Variants in SUDS3 observed in about 807,000 individuals in gnomAD.
The protein encoded by SUDS3 is sin3 histone deacetylase corepressor complex component SDS3.
Under a neutral mutation model 53.5 loss-of-function variants are expected in SUDS3, and 23 were observed. That is an observed-to-expected ratio of 0.43 (90% CI 0.31 to 0.61). SUDS3 has a LOEUF of 0.61. Among genes scored for constraint, SUDS3 ranks in the 20% least tolerant of loss-of-function variants. The pLI, the probability that SUDS3 is intolerant of heterozygous loss-of-function variation, is 0.10. For synonymous variants in SUDS3, 150 were observed against 148.5 expected, an observed-to-expected ratio of 1.01 and a Z score of -0.08; for missense variants, 291 against 405.9, an observed-to-expected ratio of 0.72 and a Z score of 2.43.
rs768874158 is a variant in SUDS3 at position 118,380,247 on chromosome 12, C to G, written c.212+16C>G. 80 of 1,591,400 alleles carry G rather than the reference C, an allele frequency of 5.0e-5. No homozygotes were observed. In the Admixed American group the frequency reaches 1.4e-3, roughly 27 times the overall value. On this transcript the variant is annotated intron_variant, in intron 2 of 11. Transcript: ENST00000543473. ...TGAAGGAACAGTGAGTATGATATGC[C>G]TATGTCTTTTTGGAACATAGAATTG...
Position 118,379,775 on chromosome 12 carries a change from G to A in SUDS3, c.143-387G>A, listed in dbSNP as rs1018360558. Among the ~76,000 whole-genome samples, 4 of 152,188 alleles carry A rather than the reference G, an allele frequency of 2.6e-5. No homozygotes were observed. In the South Asian group the frequency reaches 8.3e-4, roughly 31 times the overall value. Reference sequence around the variant, plus strand: ...AGCAGCCTTCACCATAACTGCCTGTGCCTGAGACACCCTATTCTGTGGCTG... The same window carrying A: ...AGCAGCCTTCACCATAACTGCCTGTACCTGAGACACCCTATTCTGTGGCTG... On this transcript the variant is annotated intron_variant, in intron 1 of 11. Transcript: ENST00000543473.
intron 1 of SUDS3, among the ~76,000 whole-genome samples, chr12:118,378,894 C>T (rs1261553293): frequency 2.6e-5 from 4 of 151,878 alleles, no homozygotes; most frequent in African/African-American, 9.7e-5. Flanking sequence ...AGGCTGGTCT[C>T]GAACTCCCGA....
At chr12:118,378,815 A>G (rs917597503) in intron 1 of SUDS3, among the ~76,000 whole-genome samples, 1 of 152,128 alleles carries the variant, frequency 6.6e-6, no homozygotes, top group African/African-American at 2.4e-5. Context: ...AGCTGGGATT[A>G]CAGGCATGTG....
chr12:118,386,609 G>T (rs975049959), intron 4 of SUDS3, among the ~76,000 whole-genome samples: 1 of 151,928 alleles, frequency 6.6e-6, no homozygotes, highest in Non-Finnish European at 1.5e-5. Context: ...TTTTCCCCAA[G>T]TATTGTTTTT....
At chr12:118,410,690 G>A (rs1177033667) in intron 10 of SUDS3, among the ~76,000 whole-genome samples, 7 of 151,838 alleles carry the variant, frequency 4.6e-5, no homozygotes, top group African/African-American at 1.5e-4. Flanking sequence ...TCCGCCTCCC[G>A]GGTTCACACC....
rs2046265275 is a variant in SUDS3, at chr12:118,401,828, T to G, written c.675+8T>G. On this transcript the variant is annotated splice_region_variant and intron_variant, in intron 8 of 11. Coordinates refer to ENST00000543473, the MANE Select transcript of SUDS3 (RefSeq NM_022491.3). ...CTGAGAACATTAAATAAGGTACGGT[T>G]TGACTTTTTTGATTTATTTGAAAAC... 2 of 1,613,336 alleles carry G rather than the reference T, an allele frequency of 1.2e-6. No individual in the cohort carries two copies. The highest frequency in any genetic ancestry group is 1.7e-6 in the Non-Finnish European group (2 of 1,179,370).
rs767815527 is a variant in SUDS3, at chr12:118,403,472, T to C, written c.758T>C (p.Phe253Ser). 6.2e-7 allele frequency: 1 copy of C among 1,613,736 alleles called. No homozygotes were observed. Among genetic ancestry groups the C allele is most frequent in the South Asian group, 1.1e-5 (1 of 90,940 alleles). Residue 253 changes from phenylalanine (F) to serine (S), a missense_variant, in exon 10 of 12, where the codon TTC (phenylalanine) becomes TCC (serine). By Grantham distance (155) the Phe-to-Ser change is radical (BLOSUM62 -2). Coordinates refer to ENST00000543473, the MANE Select transcript of SUDS3 (RefSeq NM_022491.3). The part of the protein sequence containing the change: ...ATPAESPAQR[F>S]EARIEDGKLY... ...CCCGCGGAATCTCCAGCCCAGAGGTTCGAAGCTCGGATAGAAGATGGCAAA... is the reference window on the plus strand; with the variant it reads ...CCCGCGGAATCTCCAGCCCAGAGGTCCGAAGCTCGGATAGAAGATGGCAAA...
At chr12:118,381,626 A>T (rs188552657) in intron 2 of SUDS3, among the ~76,000 whole-genome samples, 65 of 152,148 alleles carry the variant, frequency 4.3e-4, no homozygotes, top group African/African-American at 1.5e-3. Context: ...ACCTCAGGTG[A>T]TCCACCTGCT....
At chr12:118,388,367 C>T (rs1429838621) in intron 4 of SUDS3, among the ~76,000 whole-genome samples, 1 of 152,160 alleles carries the variant, frequency 6.6e-6, no homozygotes. Flanking sequence ...GCCAGGTTTG[C>T]AAAGGGGCCC....
At chr12:118,409,801 A>C (rs1593784353) in intron 10 of SUDS3, among the ~76,000 whole-genome samples, 2 of 152,346 alleles carry the variant, frequency 1.3e-5, no homozygotes, top group South Asian at 2.1e-4. Context: ...TGATACTTCC[A>C]ACTCTTGTAA....
At chr12:118,388,870 C>T (rs144007576) in intron 4 of SUDS3, among the ~76,000 whole-genome samples, 133 of 152,248 alleles carry the variant, frequency 8.7e-4, no homozygotes, top group African/African-American at 3.0e-3. Context: ...AGGTCCTGGC[C>T]GTAGGCAGTG....
intron 8 of SUDS3, 67 bp downstream of exon 8, chr12:118,401,887 A>C: frequency 1.9e-6 from 3 of 1,600,932 alleles, no homozygotes; most frequent in Non-Finnish European, 2.6e-6. Context: ...TTTGTTTGTT[A>C]ACATGTTACT....
intron 6 of SUDS3, among the ~76,000 whole-genome samples, chr12:118,392,774 ATAT>A (rs1418079553): frequency 2.0e-5 from 3 of 152,278 alleles, no homozygotes; most frequent in South Asian, 2.1e-4. Context: ...CTAGTGGGAA[ATAT>A]TATCCGTTTA....
intron 10 of SUDS3, among the ~76,000 whole-genome samples, chr12:118,408,479 G>A (rs899139536): frequency 6.6e-6 from 1 of 151,794 alleles, no homozygotes; most frequent in Non-Finnish European, 1.5e-5. Flanking sequence ...GATTACAAGC[G>A]CACACCACCA....
Position 118,416,999 on chromosome 12 carries a change from A to G in SUDS3, c.*2566A>G, listed in dbSNP as rs2279833. 0.27 allele frequency: 40,728 copies of G among 152,092 alleles called. 5,629 individuals are homozygous for G. The highest frequency in any genetic ancestry group is 0.39 in the Middle Eastern group (115 of 296). 9.4% of individuals were successfully genotyped at this position (152,092 alleles called of 1,614,324 possible). On this transcript the variant is annotated 3_prime_UTR_variant, in exon 12 of 12. Coordinates refer to ENST00000543473, the MANE Select transcript of SUDS3 (RefSeq NM_022491.3). ...AGAGGCATCTGCCTCAAGTCTATGT[A>G]CAGTGTTTGCTGCGGGTGTGTTCCA...
intron 4 of SUDS3, among the ~76,000 whole-genome samples, chr12:118,387,134 G>A (rs1446073702): frequency 1.3e-5 from 2 of 152,234 alleles, no homozygotes; most frequent in African/African-American, 4.8e-5. Context: ...GGGTTGAAGT[G>A]TGGGTGGGCG....
At chr12:118,376,866 C>A in intron 1 of SUDS3, 33 bp downstream of exon 1, 1 of 1,057,270 alleles carries the variant, frequency 9.5e-7, no homozygotes, top group South Asian at 1.6e-5. Flanking sequence ...CCGCCCGGAG[C>A]GGAGGTGGGA....
chr12:118,400,411 G>C (rs1279176980), intron 6 of SUDS3, among the ~76,000 whole-genome samples: 1 of 152,180 alleles, frequency 6.6e-6, no homozygotes, highest in Non-Finnish European at 1.5e-5. Flanking sequence ...CACAGTGGCT[G>C]TAATGCTTGA....
chr12:118,403,395 G>T lies in SUDS3; in HGVS notation c.698-17G>T. ...GTTTGTTACATTCTTAGTCACGTAAGTATTGGTTTCCTCCAGCATCTCCAT... is the reference window on the plus strand; with the variant it reads ...GTTTGTTACATTCTTAGTCACGTAATTATTGGTTTCCTCCAGCATCTCCAT... On this transcript the variant is annotated splice_polypyrimidine_tract_variant and intron_variant, in intron 9 of 11. Coordinates refer to ENST00000543473, the MANE Select transcript of SUDS3 (RefSeq NM_022491.3). 1 of 1,602,474 alleles carries T rather than the reference G, an allele frequency of 6.2e-7. No homozygotes were observed. The highest frequency in any genetic ancestry group is 8.5e-7 in the Non-Finnish European group (1 of 1,171,190).
Sources: gnomAD v4.1 joint callset for allele counts (sites outside exome capture counted in the v4.1 genomes callset) on GRCh38, gnomAD v4.1.1 for gene constraint, MANE v1.5 for transcripts, NCBI Gene and HGNC (gene_info 2026-07-23, HGNC 2026-07-21) for gene names.